The following GALNT13 variants were observed in gnomAD, a reference collection of about 807,000 sequenced individuals.
GALNT13 encodes polypeptide N-acetylgalactosaminyltransferase 13, also known as UDP-GalNAc:polypeptide N-acetylgalactosaminyltransferase 13.
GALNT13 carries 28 observed loss-of-function variants against 64.2 expected under a neutral mutation model. The observed-to-expected ratio is 0.44, with a 90% confidence interval of 0.32 to 0.60. GALNT13 has a LOEUF of 0.60. Among genes scored for constraint, GALNT13 ranks in the 20% least tolerant of loss-of-function variants. The pLI is 0.05. For missense variants in GALNT13, 577 were observed against 669.8 expected, an observed-to-expected ratio of 0.86 and a Z score of 1.53; for synonymous variants, 214 against 224.6, an observed-to-expected ratio of 0.95 and a Z score of 0.42.
the GALNT13 span, among the ~76,000 whole-genome samples, chr2:153,769,821 T>C: frequency 6.6e-6 from 1 of 152,230 alleles, no homozygotes; most frequent in African/African-American, 2.4e-5. Context: ...AAAATGCCTC[T>C]CTTTCAGCTC....
upstream of GALNT13, among the ~76,000 whole-genome samples, chr2:153,867,783 G>A (rs1223005860): frequency 2.6e-5 from 4 of 151,880 alleles, no homozygotes; most frequent in African/African-American, 9.7e-5. Flanking sequence ...GCACAACCTA[G>A]TTCCCTCACA....
the GALNT13 span, among the ~76,000 whole-genome samples, chr2:153,804,714 A>C: frequency 3.3e-5 from 5 of 152,196 alleles, no homozygotes; most frequent in Non-Finnish European, 7.4e-5. Context: ...AACTGATTTC[A>C]TGTAAAAATG....
chr2:153,860,283 G>C, the GALNT13 span, among the ~76,000 whole-genome samples: 2 of 152,194 alleles, frequency 1.3e-5, no homozygotes, highest in African/African-American at 4.8e-5. Flanking sequence ...CTGACGAACA[G>C]ATCATGCTTC....
At chr2:153,843,501 C>G in the GALNT13 span, among the ~76,000 whole-genome samples, 1 of 152,192 alleles carries the variant, frequency 6.6e-6, no homozygotes, top group African/African-American at 2.4e-5. Flanking sequence ...GAGATTTAGA[C>G]AGAGACTACT....
rs193059710 is a variant in GALNT13 at position 154,110,844 on chromosome 2, C to A, written c.143-29493C>A. Among the ~76,000 whole-genome samples, 373 of 152,238 alleles carry A rather than the reference C, an allele frequency of 2.5e-3. 4 individuals are homozygous for A. Among genetic ancestry groups the A allele is most frequent in the African/African-American group, 8.2e-3 (339 of 41,554 alleles). On this transcript the variant is annotated intron_variant, in intron 3 of 12. Transcript: ENST00000392825. The stretch of plus-strand genomic sequence containing the variant: ...CTCATACACATCTCCTGAGGTTATA[C>A]ATAATCTTCAAATAAAGACAAGAGT...
chr2:153,680,264 AT>A, the GALNT13 span, among the ~76,000 whole-genome samples: 1 of 151,886 alleles, frequency 6.6e-6, no homozygotes, highest in Non-Finnish European at 1.5e-5. Flanking sequence ...GAATGGAGTT[AT>A]GTAAATATAT....
upstream of GALNT13, among the ~76,000 whole-genome samples, chr2:153,867,618 A>G (rs1474963756): frequency 6.6e-6 from 1 of 151,960 alleles, no homozygotes; most frequent in Non-Finnish European, 1.5e-5. Context: ...TATTTCTATT[A>G]TTATTACATT....
chr2:154,273,507 C>T (rs901217059), intron 8 of GALNT13, among the ~76,000 whole-genome samples: 1 of 152,092 alleles, frequency 6.6e-6, no homozygotes, highest in African/African-American at 2.4e-5. Flanking sequence ...TAATGTGTAC[C>T]TATTTGCCAC....
chr2:153,896,734 C>T (rs1365533134), intron 1 of GALNT13, among the ~76,000 whole-genome samples: 2 of 152,030 alleles, frequency 1.3e-5, no homozygotes, highest in Non-Finnish European at 2.9e-5. Flanking sequence ...TCACCTTCTT[C>T]CTACCTTTCA....
the GALNT13 span, among the ~76,000 whole-genome samples, chr2:153,125,805 G>A: frequency 6.6e-6 from 1 of 152,086 alleles, no homozygotes; most frequent in Non-Finnish European, 1.5e-5. Context: ...TGGCATTATT[G>A]AACTTAGAAT....
At chr2:153,772,614 A>C in the GALNT13 span, among the ~76,000 whole-genome samples, 1 of 152,220 alleles carries the variant, frequency 6.6e-6, no homozygotes, top group Non-Finnish European at 1.5e-5. Context: ...TGCTATTTCC[A>C]AGTGGCTGAG....
At chr2:153,085,855 C>T in the GALNT13 span, among the ~76,000 whole-genome samples, 1 of 152,110 alleles carries the variant, frequency 6.6e-6, no homozygotes, top group Non-Finnish European at 1.5e-5. Context: ...TGACAGCTTG[C>T]ACTATGTACC....
chr2:154,340,910 GT>G (rs1695726563), intron 9 of GALNT13, among the ~76,000 whole-genome samples: 2 of 152,030 alleles, frequency 1.3e-5, no homozygotes, highest in East Asian at 3.9e-4. Flanking sequence ...GTGTGTGTGT[GT>G]GTGTGTGTGT....
chr2:153,233,395 T>G, the GALNT13 span, among the ~76,000 whole-genome samples: 1 of 152,078 alleles, frequency 6.6e-6, no homozygotes, highest in African/African-American at 2.4e-5. Context: ...TGCCTAAAAC[T>G]CTATCTATCT....
intron 9 of GALNT13, among the ~76,000 whole-genome samples, chr2:154,393,336 GA>G (rs1300673656): frequency 6.6e-6 from 1 of 152,184 alleles, no homozygotes; most frequent in East Asian, 1.9e-4. Context: ...CAAAGGAAAA[GA>G]AAGCTCTCAT....
At chr2:153,124,354 C>T in the GALNT13 span, among the ~76,000 whole-genome samples, 655 of 152,278 alleles carry the variant, frequency 4.3e-3, 4 homozygotes, top group African/African-American at 0.013. Context: ...TGTTTTAAGC[C>T]ACTAAGTTTT....
chr2:153,101,991 C>T, the GALNT13 span, among the ~76,000 whole-genome samples: 2 of 152,180 alleles, frequency 1.3e-5, no homozygotes, highest in Non-Finnish European at 2.9e-5. Flanking sequence ...GACATAAATG[C>T]TATATAGACA....
At chr2:153,623,266 C>A in the GALNT13 span, among the ~76,000 whole-genome samples, 1 of 151,980 alleles carries the variant, frequency 6.6e-6, no homozygotes, top group African/African-American at 2.4e-5. Flanking sequence ...TACTTTATAC[C>A]CTTCCTCAAC....
the GALNT13 span, among the ~76,000 whole-genome samples, chr2:153,356,963 A>T: frequency 6.6e-6 from 1 of 151,676 alleles, no homozygotes; most frequent in Non-Finnish European, 1.5e-5. Context: ...ACGCCCAGCT[A>T]ACTTTTGTTT....
Sources: gnomAD v4.1 joint callset for allele counts (sites outside exome capture counted in the v4.1 genomes callset) on GRCh38, gnomAD v4.1.1 for gene constraint, MANE v1.5 for transcripts, NCBI Gene and HGNC (gene_info 2026-07-23, HGNC 2026-07-21) for gene names.